The following PTCH1 variants were observed in gnomAD, a reference collection of about 807,000 sequenced individuals.
PTCH1 encodes patched 1, also known as protein patched homolog 1.
A neutral mutation model predicts 144.6 loss-of-function variants in PTCH1; 14 were observed. The ratio of observed to expected loss-of-function variants is 0.10; its 90% CI spans 0.06 to 0.15. PTCH1 has a LOEUF of 0.15. Among genes scored for constraint, PTCH1 ranks in the 10% least tolerant of loss-of-function variants. PTCH1 has a pLI of 1.00. For missense variants in PTCH1, 1,623 were observed against 1,948.3 expected, an observed-to-expected ratio of 0.83 and a Z score of 3.14; for synonymous variants, 833 against 793.6, an observed-to-expected ratio of 1.05 and a Z score of -0.83.
chr9:95,515,043 C>T (rs1475944340), intron 1 of PTCH1, among the ~76,000 whole-genome samples: 1 of 152,108 alleles, frequency 6.6e-6, no homozygotes, highest in African/African-American at 2.4e-5. Flanking sequence ...CCTTGTTTTA[C>T]AACTTGGGCA....
At chr9:95,479,241 G>A in intron 7 of PTCH1, 94 bp from the exon 8 acceptor site, 1 of 1,511,684 alleles carries the variant, frequency 6.6e-7, no homozygotes, top group Non-Finnish European at 9.2e-7. Flanking sequence ...CAACTCACTG[G>A]CTGCAATTCT....
At chr9:95,459,190 AGG>A (rs1839232235) in intron 17 of PTCH1, among the ~76,000 whole-genome samples, 1 of 152,232 alleles carries the variant, frequency 6.6e-6, no homozygotes. Context: ...GGTGGCTTAT[AGG>A]AATGACCCAA....
intron 2 of PTCH1, among the ~76,000 whole-genome samples, chr9:95,500,723 C>T (rs938355133): frequency 6.6e-6 from 1 of 152,184 alleles, no homozygotes; most frequent in Non-Finnish European, 1.5e-5. Flanking sequence ...GAGAATGAGA[C>T]CACCAAGGAG....
Position 95,449,664 on chromosome 9 carries a change from C to A in PTCH1, c.3549+177G>T. 1.4e-6 allele frequency: 1 copy of A among 727,616 alleles called. No individual in the cohort carries two copies. Among genetic ancestry groups the A allele is most frequent in the South Asian group, 1.7e-5 (1 of 57,264 alleles). 45.1% of individuals were successfully genotyped at this position (727,616 alleles called of 1,614,324 possible). On this transcript the variant is annotated intron_variant, in intron 21 of 23. Transcript: ENST00000331920. This position sits in a 1 kb window ranked among gnomAD's most constrained non-coding sequence, Gnocchi z 5.3. The stretch of plus-strand genomic sequence containing the variant: ...GTTGATTTAGAGGAACCAAACCGAA[C>A]CCGCCCTCTAGCCCTCAAAGCCAGT...
At chr9:95,516,669 C>A (rs1020406723) in exon 1 of PTCH1, 1 of 1,612,770 alleles carries the variant, frequency 6.2e-7, no homozygotes, top group Admixed American at 1.7e-5. Flanking sequence ...TTTTTCTTCT[C>A]CTCCGTTTTC....
At chr9:95,477,177 T>A (rs1841112222) in intron 10 of PTCH1, among the ~76,000 whole-genome samples, 1 of 152,218 alleles carries the variant, frequency 6.6e-6, no homozygotes, top group Non-Finnish European at 1.5e-5. Flanking sequence ...AAGTGCACAT[T>A]CTCAGCCCCG....
intron 3 of PTCH1, chr9:95,484,353 C>T (rs1841813270): frequency 1.3e-5 from 2 of 152,148 alleles, no homozygotes; most frequent in African/African-American, 4.8e-5. Context: ...TGGTCTTGTT[C>T]TGGGAACCAT....
In PTCH1 at chr9:95,508,090, T is replaced by C. The variant is rs1843874094; in HGVS notation, c.201+71A>G. ...GAGAGGAAGAGAGTGTGTGTGTTTG[T>C]GTGTGGCGGGGGCGATCCCAAAGAG... is the stretch of plus-strand genomic sequence containing the variant. On this transcript the variant is annotated intron_variant, in intron 1 of 23. Transcript: ENST00000331920. 3 of 1,600,428 alleles carry C rather than the reference T, an allele frequency of 1.9e-6. No homozygotes were observed. The Admixed American group carries it at 5.1e-5, about 27-fold the overall frequency.
At chr9:95,515,146 C>A (rs929279151) in intron 1 of PTCH1, among the ~76,000 whole-genome samples, 1 of 152,164 alleles carries the variant, frequency 6.6e-6, no homozygotes, top group Non-Finnish European at 1.5e-5. Context: ...CATTGTCTTT[C>A]TTTGTGGAGG....
chr9:95,468,481 A>T (rs565480488), intron 14 of PTCH1, among the ~76,000 whole-genome samples: 1 of 152,370 alleles, frequency 6.6e-6, no homozygotes, highest in Admixed American at 6.5e-5. Flanking sequence ...AACAGGCATG[A>T]GCCACCGCAA....
At chr9:95,470,031 C>T in intron 12 of PTCH1, 100 bp from the exon 13 acceptor site, 1 of 925,034 alleles carries the variant, frequency 1.1e-6, no homozygotes, top group South Asian at 1.3e-5. Context: ...TTTTTCTTTC[C>T]CTTTCCTCTT....
intron 19 of PTCH1, among the ~76,000 whole-genome samples, chr9:95,454,182 G>A (rs776927345): frequency 5.9e-5 from 9 of 152,220 alleles, no homozygotes; most frequent in Non-Finnish European, 5.9e-5. Flanking sequence ...ACATTGTGTG[G>A]ACACATCCCT....
chr9:95,490,793 T>C (rs1842343346), intron 2 of PTCH1, among the ~76,000 whole-genome samples: 1 of 152,188 alleles, frequency 6.6e-6, no homozygotes, highest in Admixed American at 6.5e-5. Flanking sequence ...TACATTCTAG[T>C]GTTCCATAGC....
rs1276255840 is a variant in PTCH1, at chr9:95,458,713, C to T, written c.2888-420G>A. Among the ~76,000 whole-genome samples, 1 of 152,244 alleles carries T rather than the reference C, an allele frequency of 6.6e-6. No homozygotes were observed. The highest frequency in any genetic ancestry group is 2.4e-5 in the African/African-American group (1 of 41,460). On this transcript the variant is annotated intron_variant, in intron 17 of 23. Transcript: ENST00000331920. The surrounding 1 kb of genome is among the most constrained non-coding windows in gnomAD (Gnocchi z 4.7). ...CTTATCCTTTTAGTGCCTGAACAAA[C>T]TTCAACCTTGTATGCTTCTTTTCTA...
chr9:95,479,993 T>C lies in PTCH1; in HGVS notation c.1043A>G (p.Lys348Arg), dbSNP rs1476325987. 5 of 1,614,058 alleles carry C rather than the reference T, an allele frequency of 3.1e-6. No homozygotes were observed. The highest frequency in any genetic ancestry group is 4.2e-6 in the Non-Finnish European group (5 of 1,180,054). Residue 348 changes from lysine to arginine, a missense_variant, in exon 7 of 24, where the codon AAG becomes AGG. Physicochemically the swap from Lys to Arg is conservative, Grantham distance 26. Around this residue, in one of 7 missense-constraint regions of PTCH1, gnomAD observed 230 missense variants for 271.0 expected, o/e 0.85. Transcript: ENST00000331920. ...CCTGACGAGTTTTCCAGTGCTGTTCTTGACTGTGCCACCCACAATCAACTC... is the reference window on the plus strand; with the variant it reads ...CCTGACGAGTTTTCCAGTGCTGTTCCTGACTGTGCCACCCACAATCAACTC... ...QEELIVGGTVKNSTGKLVSAH... is the reference protein window; with the variant it reads ...QEELIVGGTVRNSTGKLVSAH...
rs143813198 is a variant in PTCH1, at chr9:95,480,089, G to T, written c.947C>A (p.Pro316His). 3.7e-6 allele frequency: 6 copies of T among 1,613,940 alleles called. No homozygotes were observed. Among genetic ancestry groups the T allele is most frequent in the Non-Finnish European group, 5.1e-6 (6 of 1,180,004 alleles). The change falls in exon 7 of 24, where the codon CCT (proline) becomes CAT (histidine). Residue 316 changes from proline (P) to histidine (H), a missense_variant and splice_region_variant. Coordinates refer to ENST00000331920, the MANE Select transcript of PTCH1 (RefSeq NM_000264.5). ...ATTCAAAACAAGGGCCATATCAAGA[G>T]GCTAAAATAAAAAGACAGCCACATA... is the stretch of plus-strand genomic sequence containing the variant. ...ATAPNKNSTK[P>H]LDMALVLNGG...
At position 95,482,052 on chromosome 9, in the gene PTCH1, A is replaced by G. The variant is rs376472172; in HGVS notation, c.655-12T>C. ...AGATATTCTATTATCTGTCAAAGTT[A>G]AAAAGAAGAGGCCATGCGTTAGGTT... On this transcript the variant is annotated splice_polypyrimidine_tract_variant and intron_variant, in intron 4 of 23. Coordinates refer to ENST00000331920, the MANE Select transcript of PTCH1 (RefSeq NM_000264.5). 5.6e-6 allele frequency: 9 copies of G among 1,612,696 alleles called. No homozygotes were observed. In the African/African-American group the frequency reaches 9.3e-5, roughly 17 times the overall value.
intron 2 of PTCH1, 52 bp from the exon 3 acceptor site, chr9:95,485,926 T>C: frequency 5.7e-6 from 9 of 1,591,350 alleles, no homozygotes; most frequent in Non-Finnish European, 7.8e-6. Flanking sequence ...TGCAAACTCA[T>C]GTTTTATCTG....
Position 95,508,508 on chromosome 9 carries a change from G to C in PTCH1, c.-147C>G, listed in dbSNP as rs931145274. The C allele has an allele frequency of 3.1e-4, 311 of 1,017,510 alleles. 1 individual carries two copies. The highest frequency in any genetic ancestry group is 3.5e-4 in the Non-Finnish European group (296 of 851,104). 63.0% of individuals were successfully genotyped at this position (1,017,510 alleles called of 1,614,324 possible). ...CGCAGGCTGCTCGGGCTCGGGCTCC[G>C]GTTGACAGACCAGCCGCTGCTGCTG... On this transcript the variant is annotated 5_prime_UTR_variant, in exon 1 of 24. Transcript: ENST00000331920.
Sources: gnomAD v4.1 joint callset for allele counts (sites outside exome capture counted in the v4.1 genomes callset) on GRCh38, gnomAD v4.1.1 for gene constraint, gnomAD v4.1.1 regional missense constraint, Gnocchi (gnomAD v3.1) non-coding constraint, MANE v1.5 for transcripts, NCBI Gene and HGNC (gene_info 2026-07-23, HGNC 2026-07-21) for gene names.